Variants in TUBGCP5 observed in about 807,000 individuals in gnomAD.
TUBGCP5 encodes the protein tubulin gamma complex component 5.
Under a neutral mutation model 134.7 loss-of-function variants are expected in TUBGCP5, and 98 were observed. The observed-to-expected ratio is 0.73, with a 90% CI of 0.62 to 0.86. The LOEUF is 0.86. TUBGCP5 is among the 40% of genes least tolerant of loss of function. TUBGCP5 has a pLI of 0.00. For missense variants in TUBGCP5, 1,150 were observed against 1,244.8 expected, an observed-to-expected ratio of 0.92 and a Z score of 1.15; for synonymous variants, 456 against 431.4, an observed-to-expected ratio of 1.06 and a Z score of -0.71.
chr15:23,025,007 T>C (rs745698537), intron 8 of TUBGCP5, among the ~76,000 whole-genome samples, 177 bp from the exon 9 acceptor site: 7 of 151,952 alleles, frequency 4.6e-5, no homozygotes, highest in Non-Finnish European at 7.4e-5. Context: ...GTTCAAGTGA[T>C]TCTGCAGCCT....
In TUBGCP5 at chr15:23,013,204, AC is replaced by A. The variant is rs779514665; in HGVS notation, c.1757-1874del. ...GTGGTGACTCACACCTGTAATCCCA[AC>A]ACTTCAGGAGGCCGAGGCGGGCGGA... is the stretch of plus-strand genomic sequence containing the variant. On this transcript the variant is annotated intron_variant, in intron 13 of 22. Coordinates refer to ENST00000615383, the MANE Select transcript of TUBGCP5 (RefSeq NM_052903.6). This position sits in a 1 kb window ranked among gnomAD's most constrained non-coding sequence, Gnocchi z 4.5. 8.5e-5 allele frequency among the ~76,000 whole-genome samples: 13 copies of A among 152,056 alleles called. No individual in the cohort carries two copies. Among genetic ancestry groups the A allele is most frequent in the Non-Finnish European group, 1.3e-4 (9 of 67,962 alleles).
At chr15:23,009,039 T>C (rs1446328978) in intron 15 of TUBGCP5, among the ~76,000 whole-genome samples, 158 bp from the exon 16 acceptor site, 1 of 152,144 alleles carries the variant, frequency 6.6e-6, no homozygotes, top group African/African-American at 2.4e-5. Flanking sequence ...CTTGTTCCAA[T>C]AATAAAAACA....
chr15:22,995,530 G>A (rs1325734540), downstream of TUBGCP5, among the ~76,000 whole-genome samples: 7 of 143,314 alleles, frequency 4.9e-5, no homozygotes, highest in African/African-American at 8.0e-5. Flanking sequence ...AGGTGAGATC[G>A]CACCACTGCA....
intron 3 of TUBGCP5, among the ~76,000 whole-genome samples, chr15:23,035,815 A>G (rs1481575667): frequency 6.6e-6 from 1 of 152,204 alleles, no homozygotes; most frequent in Non-Finnish European, 1.5e-5. Flanking sequence ...ATAGTGAAGC[A>G]GACAAGACTG....
intron 13 of TUBGCP5, among the ~76,000 whole-genome samples, chr15:23,015,470 G>A (rs1248040870): frequency 2.0e-5 from 3 of 151,344 alleles, no homozygotes; most frequent in East Asian, 4.0e-4. Context: ...GGTAAAACCC[G>A]ATCGCTACTA....
intron 1 of TUBGCP5, 25 bp from the exon 2 acceptor site, chr15:23,037,177 T>C (rs547830008): frequency 1.9e-6 from 3 of 1,610,338 alleles, no homozygotes; most frequent in African/African-American, 2.7e-5. Context: ...ATGCAATTCT[T>C]ATGCCAACTC....
chr15:23,013,610 T>C lies in TUBGCP5; in HGVS notation c.1757-2279A>G, dbSNP rs1396786568. Among the ~76,000 whole-genome samples the C allele has an allele frequency of 6.6e-6, 1 of 152,098 alleles. No individual in the cohort carries two copies. Among genetic ancestry groups the C allele is most frequent in the African/African-American group, 2.4e-5 (1 of 41,416 alleles). ...TGGAGTCAAGAAGGACTTCCCATTGTAGGGTAAGGGTAAGCAGAAGAAACC... is the reference window on the plus strand; with the variant it reads ...TGGAGTCAAGAAGGACTTCCCATTGCAGGGTAAGGGTAAGCAGAAGAAACC... On this transcript the variant is annotated intron_variant, in intron 13 of 22. Coordinates refer to ENST00000615383, the MANE Select transcript of TUBGCP5 (RefSeq NM_052903.6). This position sits in a 1 kb window ranked among gnomAD's most constrained non-coding sequence, Gnocchi z 4.5.
intron 20 of TUBGCP5, 47 bp downstream of exon 20, chr15:23,004,055 G>A (rs375443468): frequency 1.2e-5 from 18 of 1,553,444 alleles, no homozygotes; most frequent in African/African-American, 5.6e-5. Context: ...CGCAGACAGC[G>A]CCACTCGCCC....
chr15:23,017,784 G>T lies in TUBGCP5; in HGVS notation c.1745C>A (p.Ala582Glu). The T allele has an allele frequency of 6.2e-7, 1 of 1,613,278 alleles. No individual in the cohort carries two copies. The highest frequency in any genetic ancestry group is 1.1e-5 in the South Asian group (1 of 91,004). Residue 582 changes from alanine to glutamate, a missense_variant, in exon 13 of 23, where the codon GCA becomes GAA. Physicochemically the swap from Ala to Glu is moderately radical, Grantham distance 107 (BLOSUM62 -1). Transcript: ENST00000615383. ...GACGGAACAAGTACCTCTGGCTCCT[G>T]CCTGGCAGGTGGTGCTCTCCGCACA... Reference protein sequence around the residue: ...LQCAESTTCQAGARDAERKSL... With the variant: ...LQCAESTTCQEGARDAERKSL...
At chr15:23,018,341 G>A (rs2065462963) in intron 12 of TUBGCP5, among the ~76,000 whole-genome samples, 2 of 152,200 alleles carry the variant, frequency 1.3e-5, no homozygotes, top group African/African-American at 4.8e-5. Context: ...TTTACCATCT[G>A]CTGTGAAACT....
At position 23,022,149 on chromosome 15, in the gene TUBGCP5, G is replaced by A. The variant is rs748709078; in HGVS notation, c.1181C>T (p.Thr394Ile). 6 of 1,613,970 alleles carry A rather than the reference G, an allele frequency of 3.7e-6. No individual in the cohort carries two copies. Among genetic ancestry groups the A allele is most frequent in the Non-Finnish European group, 1.7e-6 (2 of 1,179,964 alleles). ...KCIINNDTTITLAIVVDKLAP... is the reference protein window; with the variant it reads ...KCIINNDTTIILAIVVDKLAP... Reference sequence around the variant, plus strand: ...CAACTTGTCCACCACTATTGCAAGAGTTATTGTAGTATCTGCAAATATCAA... The same window carrying A: ...CAACTTGTCCACCACTATTGCAAGAATTATTGTAGTATCTGCAAATATCAA... Residue 394 changes from threonine (T) to isoleucine (I), a missense_variant, in exon 11 of 23, where the codon ACT (threonine) becomes ATT (isoleucine). Physicochemically the swap from Thr to Ile is moderately conservative, Grantham distance 89. Coordinates refer to ENST00000615383, the MANE Select transcript of TUBGCP5 (RefSeq NM_052903.6).
intron 20 of TUBGCP5, among the ~76,000 whole-genome samples, chr15:23,003,828 CT>C (rs935898194): frequency 6.6e-6 from 1 of 151,760 alleles, no homozygotes; most frequent in Non-Finnish European, 1.5e-5. Context: ...ATCTTTTTAA[CT>C]TTTTGTAAAG....
rs571031428 is a variant in TUBGCP5, at chr15:23,008,337, G to C, written c.2327+362C>G. The C allele has an allele frequency of 3.2e-4, 96 of 296,944 alleles. No individual in the cohort carries two copies. In the East Asian group the frequency reaches 4.3e-3, roughly 13 times the overall value. The allele number at this position is 296,944 out of a possible 1,614,324, so 18.4% of individuals were successfully genotyped here. ...GCTGGAGTGCAGTGGCATGATCTTG[G>C]CTCACTGCAACCTCTGCCTCCCAGG... On this transcript the variant is annotated intron_variant, in intron 16 of 22. Coordinates refer to ENST00000615383, the MANE Select transcript of TUBGCP5 (RefSeq NM_052903.6).
At chr15:23,020,409 AC>A (rs1201016866) in intron 11 of TUBGCP5, among the ~76,000 whole-genome samples, 1 of 151,348 alleles carries the variant, frequency 6.6e-6, no homozygotes, top group Non-Finnish European at 1.5e-5. Context: ...TCCATCTCAA[AC>A]AAAAAACAAA....
In TUBGCP5 at chr15:23,027,324, A is replaced by T. The variant is rs149877483; in HGVS notation, c.623-18T>A. 4,383 of 1,606,838 alleles carry T rather than the reference A, an allele frequency of 2.7e-3. 20 individuals carry two copies. Among genetic ancestry groups the T allele is most frequent in the Non-Finnish European group, 3.1e-3 (3,629 of 1,173,746 alleles). ...TGGCTCATCTGCTTGAAAGAAATGT[A>T]ATCAGTTTGAGTTAACAACAACAAA... On this transcript the variant is annotated intron_variant, in intron 6 of 22. Coordinates refer to ENST00000615383, the MANE Select transcript of TUBGCP5 (RefSeq NM_052903.6).
chr15:23,022,285 T>A, intron 10 of TUBGCP5, 124 bp from the exon 11 acceptor site: 3 of 933,306 alleles, frequency 3.2e-6, no homozygotes, highest in Non-Finnish European at 3.3e-6. Flanking sequence ...CGGTGGATTT[T>A]AATCTCATAC....
chr15:22,997,545 T>A (rs1440683962), downstream of TUBGCP5, among the ~76,000 whole-genome samples: 1 of 152,136 alleles, frequency 6.6e-6, no homozygotes, highest in Non-Finnish European at 1.5e-5. Flanking sequence ...TTCCCATGTT[T>A]GCTTCTAGAA....
intron 5 of TUBGCP5, 47 bp from the exon 6 acceptor site, chr15:23,031,067 T>G: frequency 2.6e-6 from 4 of 1,512,122 alleles, no homozygotes; most frequent in Non-Finnish European, 3.5e-6. Flanking sequence ...GTATAACACT[T>G]AAAGCTATTT....
intron 22 of TUBGCP5, 34 bp downstream of exon 22, chr15:23,000,533 TAC>T: frequency 6.2e-7 from 1 of 1,603,824 alleles, no homozygotes; most frequent in Non-Finnish European, 8.5e-7. Context: ...TACAAGGAAA[TAC>T]AGAGGTAGAA....
Sources: gnomAD v4.1 joint callset for allele counts (sites outside exome capture counted in the v4.1 genomes callset) on GRCh38, gnomAD v4.1.1 for gene constraint, Gnocchi (gnomAD v3.1) non-coding constraint, MANE v1.5 for transcripts, NCBI Gene and HGNC (gene_info 2026-07-23, HGNC 2026-07-21) for gene names.